The following ZXDC variants were observed in gnomAD, a reference collection of about 807,000 sequenced individuals.
The protein encoded by ZXDC is zinc finger protein ZXDC.
A neutral mutation model predicts 63.6 loss-of-function variants in ZXDC; 58 were observed. The ratio of observed to expected loss-of-function variants is 0.91; its 90% CI spans 0.74 to 1.13. The LOEUF (loss-of-function observed/expected upper bound fraction) is 1.13. Ranked by LOEUF, ZXDC falls within the 50% of genes most tolerant of loss-of-function variation. The pLI, the probability that ZXDC is intolerant of heterozygous loss-of-function variation, is 0.00. For synonymous variants in ZXDC, 561 were observed against 496.1 expected (o/e 1.13, Z -1.74); for missense variants, 1,133 against 1,148.9 (o/e 0.99, Z 0.20).
chr3:126,444,286 G>A lies in ZXDC; in HGVS notation c.2213-2340C>T, dbSNP rs564435998. Among the ~76,000 whole-genome samples the A allele has an allele frequency of 2.7e-4, 41 of 152,224 alleles. No homozygotes were observed. The South Asian group carries it at 4.6e-3, about 17-fold the overall frequency. On this transcript the variant is annotated intron_variant, in intron 7 of 9. Transcript: ENST00000389709. ...AGTGGCTCACGCCTGTAATCCCAGC[G>A]CTTTGGGAGGCCAAGGCGGGCAGAT...
At chr3:126,468,249 G>A (rs759584157) in intron 4 of ZXDC, among the ~76,000 whole-genome samples, 21 of 152,072 alleles carry the variant, frequency 1.4e-4, no homozygotes, top group Admixed American at 5.2e-4. Flanking sequence ...AGGCCGCAAC[G>A]AGGCCACCCA....
intron 7 of ZXDC, chr3:126,458,890 A>C (rs1043744863): frequency 6.1e-6 from 6 of 985,332 alleles, no homozygotes; most frequent in Admixed American, 6.1e-5. Context: ...CACTGGCTTT[A>C]AGAAAACTGA....
Position 126,471,623 on chromosome 3 carries a change from A to G in ZXDC, c.1139+350T>C, listed in dbSNP as rs147849214. Among the ~76,000 whole-genome samples, 564 of 152,270 alleles carry G rather than the reference A, an allele frequency of 3.7e-3. 3 individuals are homozygous for G. The highest frequency in any genetic ancestry group is 0.012 in the African/African-American group (479 of 41,558). The stretch of plus-strand genomic sequence containing the variant: ...ATGTAAAGTGCTGAGTGTCACCTGG[A>G]CACAGTCTCCAGGGTTGTCATTACC... On this transcript the variant is annotated intron_variant, in intron 3 of 9. Coordinates refer to ENST00000389709, the MANE Select transcript of ZXDC (RefSeq NM_025112.5).
In ZXDC at chr3:126,472,267, A is replaced by T. The variant is rs1387813634; in HGVS notation, c.946T>A (p.Ser316Thr). 1 of 1,612,380 alleles carries T rather than the reference A, an allele frequency of 6.2e-7. No homozygotes were observed. Among genetic ancestry groups the T allele is most frequent in the Non-Finnish European group, 8.5e-7 (1 of 1,178,470 alleles). Residue 316 changes from serine (S) to threonine (T), a missense_variant, in exon 2 of 10, where the codon TCC becomes ACC. Transcript: ENST00000389709. The stretch of plus-strand genomic sequence containing the variant: ...TCCCTGAAGTGGGCTCGGTTATGGG[A>T]AAACAGGGCACTCACTGTGATAAAT... ...KTFITVSALF[S>T]HNRAHFREQE...
At chr3:126,466,692 TA>T (rs1319936100) in intron 4 of ZXDC, among the ~76,000 whole-genome samples, 13 of 152,208 alleles carry the variant, frequency 8.5e-5, no homozygotes, top group African/African-American at 3.1e-4. Context: ...TCATCTCGAT[TA>T]AGCTATTATC....
chr3:126,470,151 A>G (rs954299155), intron 4 of ZXDC, among the ~76,000 whole-genome samples: 7 of 152,170 alleles, frequency 4.6e-5, no homozygotes, highest in Admixed American at 2.0e-4. Flanking sequence ...GTTTTAAAGG[A>G]AAAAACCACT....
chr3:126,470,880 T>C lies in ZXDC; in HGVS notation c.1270+15A>G, dbSNP rs769583100. The C allele has an allele frequency of 1.9e-6, 3 of 1,613,620 alleles. No individual in the cohort carries two copies. The highest frequency in any genetic ancestry group is 1.7e-6 in the Non-Finnish European group (2 of 1,179,664). The stretch of plus-strand genomic sequence containing the variant: ...GCACTTAGTTTACTGCTCAAAGCAA[T>C]GTTTTAAAATCTACCTTCCACAGGA... On this transcript the variant is annotated intron_variant, in intron 4 of 9. Coordinates refer to ENST00000389709, the MANE Select transcript of ZXDC (RefSeq NM_025112.5).
chr3:126,441,072 C>T (rs1033281244), intron 8 of ZXDC: 9 of 985,440 alleles, frequency 9.1e-6, no homozygotes, highest in Non-Finnish European at 9.6e-6. Flanking sequence ...TCTCTTCTCT[C>T]CCCAAATCCT....
intron 8 of ZXDC, chr3:126,440,808 A>G: frequency 1.0e-6 from 1 of 985,628 alleles, no homozygotes; most frequent in South Asian, 4.7e-5. Context: ...CCCCCTTCCC[A>G]GCCCACCTCT....
chr3:126,453,817 C>T (rs1489419174), intron 7 of ZXDC: 1 of 982,772 alleles, frequency 1.0e-6, no homozygotes, highest in Non-Finnish European at 1.2e-6. Context: ...GCCTCAGCCT[C>T]CTGAGTAGCT....
At position 126,475,794 on chromosome 3, in the gene ZXDC, G is replaced by A; in HGVS notation, c.72C>T (p.Leu24=). Residue 24 remains leucine (L), a synonymous_variant, in exon 1 of 10, where the codon CTC becomes CTT. Transcript: ENST00000389709. ...GGQHGGGPGP[L]RRAPAPLGAS... ...CGCCGAGCGGCGCTGGGGCTCGGCG[G>A]AGCGGGCCGGGGCCGCCGCCATGTT... The A allele has an allele frequency of 6.4e-6, 7 of 1,101,432 alleles. No individual in the cohort carries two copies. Among genetic ancestry groups the A allele is most frequent in the Non-Finnish European group, 7.7e-6 (7 of 906,038 alleles). 68.2% of individuals were successfully genotyped at this position (1,101,432 alleles called of 1,614,324 possible).
At chr3:126,464,511 C>G (rs974196297) in intron 5 of ZXDC, among the ~76,000 whole-genome samples, 6 of 152,176 alleles carry the variant, frequency 3.9e-5, no homozygotes, top group African/African-American at 1.4e-4. Flanking sequence ...CCCCTGACAG[C>G]TGGCAGGGGG....
rs199676773 is a variant in ZXDC, at chr3:126,475,151, C to T, written c.715G>A (p.Gly239Ser). 176 of 1,607,424 alleles carry T rather than the reference C, an allele frequency of 1.1e-4. No homozygotes were observed. The highest frequency in any genetic ancestry group is 1.5e-4 in the Non-Finnish European group (173 of 1,176,992). The change falls in exon 1 of 10, where the codon GGC (glycine) becomes AGC (serine). Residue 239 changes from glycine to serine, a missense_variant. By Grantham distance (56) the Gly-to-Ser change is moderately conservative. Transcript: ENST00000389709. ...LQSHDKLRPF[G>S]CPVGGCGKKF... ...TTGCCACAGCCGCCCACTGGACAGC[C>T]GAAGGGCCGCAGCTTGTCGTGCGAC...
chr3:126,447,748 T>C (rs1038679045), intron 7 of ZXDC, among the ~76,000 whole-genome samples: 6 of 152,254 alleles, frequency 3.9e-5, no homozygotes, highest in African/African-American at 1.4e-4. Flanking sequence ...TGTCATCAAC[T>C]GCCCTGTTCG....
intron 8 of ZXDC, chr3:126,440,252 G>A (rs757168729): frequency 2.5e-5 from 25 of 991,500 alleles, no homozygotes; most frequent in African/African-American, 3.5e-5. Context: ...CCCACACTTC[G>A]CCTGTCCTGC....
At position 126,459,732 on chromosome 3, in the gene ZXDC, A is replaced by C. The variant is rs578000233; in HGVS notation, c.2133T>G (p.Ser711Arg). The C allele has an allele frequency of 5.6e-6, 9 of 1,613,908 alleles. No individual in the cohort carries two copies. The highest frequency in any genetic ancestry group is 5.3e-5 in the African/African-American group (4 of 74,874). Residue 711 changes from serine (S) to arginine (R), a missense_variant, in exon 7 of 10, where the codon AGT becomes AGG. Ser to Arg is a moderately radical substitution (Grantham distance 110, BLOSUM62 -1). Transcript: ENST00000389709. The part of the protein sequence containing the change: ...SAGTGNFYLE[S>R]GGSARTDYRA... The stretch of plus-strand genomic sequence containing the variant: ...GGTAATCAGTTCTTGCTGAGCCCCC[A>C]CTTTCCTGAGACCAAAGAAAAGCAT...
intron 3 of ZXDC, among the ~76,000 whole-genome samples, chr3:126,471,240 G>A (rs1247613823): frequency 2.6e-5 from 4 of 152,196 alleles, no homozygotes; most frequent in Non-Finnish European, 5.9e-5. Flanking sequence ...TGACCCCAGA[G>A]TCACACATCA....
In ZXDC at chr3:126,442,996, C is replaced by T. The variant is rs1390632389; in HGVS notation, c.2213-1050G>A. 3 of 152,262 alleles carry T rather than the reference C, an allele frequency of 2.0e-5. No individual in the cohort carries two copies. The East Asian group carries it at 5.8e-4, about 29-fold the overall frequency. The allele number at this position is 152,262 out of a possible 1,614,324, so 9.4% of individuals were successfully genotyped here. A position where few individuals can be genotyped will look rare whatever the true frequency, so the allele number is the denominator to read the frequency against. ...CTGACCTGCTCACCTCACTCCAGAT[C>T]CCTTCCTGTCTTCCGCAGTGCCCTG... On this transcript the variant is annotated intron_variant, in intron 7 of 9. Transcript: ENST00000389709.
At chr3:126,459,903 G>A (rs576232418) in intron 6 of ZXDC, 166 bp from the exon 7 acceptor site, 6 of 985,462 alleles carry the variant, frequency 6.1e-6, no homozygotes, top group Middle Eastern at 5.2e-4. Context: ...CACTTGTGGC[G>A]AGGGCCGAAC....
Sources: allele counts gnomAD v4.1 joint callset (sites outside exome capture counted in the v4.1 genomes callset), GRCh38; gene constraint gnomAD v4.1.1; transcripts MANE v1.5; gene names NCBI Gene and HGNC (gene_info 2026-07-23, HGNC 2026-07-21).